The following BEST1 variants were observed in gnomAD, a reference collection of about 807,000 sequenced individuals.
The protein encoded by BEST1 is bestrophin 1, also known as bestrophin-1.
A neutral mutation model predicts 63.3 loss-of-function variants in BEST1; 58 were observed. That is an observed-to-expected ratio of 0.92 (90% CI 0.74 to 1.14). The LOEUF (loss-of-function observed/expected upper bound fraction) is 1.14. Among genes scored for constraint, BEST1 ranks in the 50% most tolerant of loss-of-function variants. The pLI is 0.00. For missense variants in BEST1, 671 were observed against 740.1 expected (o/e 0.91, Z 1.08); for synonymous variants, 283 against 291.6 (o/e 0.97, Z 0.30).
intron 6 of BEST1, among the ~76,000 whole-genome samples, 182 bp downstream of exon 6, chr11:61,957,646 G>A (rs1482555181): frequency 2.6e-5 from 4 of 152,154 alleles, no homozygotes; most frequent in Admixed American, 6.5e-5. Flanking sequence ...CTCCTGCCTG[G>A]CCCAGTCCAG....
downstream of BEST1, chr11:61,965,346 C>T (rs749631169): frequency 6.8e-6 from 11 of 1,612,568 alleles, no homozygotes; most frequent in Middle Eastern, 2.0e-4. Flanking sequence ...TGAAGTATGA[C>T]ACCCCTAGGA....
At chr11:61,962,134 G>A (rs1942127557) in intron 9 of BEST1, 121 bp from the exon 10 acceptor site, 1 of 1,015,768 alleles carries the variant, frequency 9.8e-7, no homozygotes, top group Non-Finnish European at 1.5e-6. Context: ...GCATGGTGAG[G>A]AAGACGGTGT....
rs1384192451 is a variant in BEST1, at chr11:61,955,828, C to A, written c.358C>A (p.Gln120Lys). ...VSGFVEGKDE[Q>K]GRLLRRTLIR... ...GGGCTTCGTCGAAGGCAAGGACGAG[C>A]AAGGCCGGCTGCTGCGGCGCACGCT... Residue 120 changes from glutamine (Q) to lysine (K), a missense_variant, in exon 4 of 11, where the codon CAA (glutamine) becomes AAA (lysine). Gln to Lys is a moderately conservative substitution (Grantham distance 53). Coordinates refer to ENST00000378043, the MANE Select transcript of BEST1 (RefSeq NM_004183.4). 3 of 1,550,582 alleles carry A rather than the reference C, an allele frequency of 1.9e-6. No individual in the cohort carries two copies. Among genetic ancestry groups the A allele is most frequent in the Non-Finnish European group, 2.6e-6 (3 of 1,146,922 alleles).
At position 61,962,689 on chromosome 11, in the gene BEST1, G is replaced by C. The variant is rs775584943; in HGVS notation, c.1535G>C (p.Ser512Thr). The change falls in exon 10 of 11, where the codon AGT becomes ACT. Residue 512 changes from serine to threonine, a missense_variant. By Grantham distance (58) the Ser-to-Thr change is moderately conservative. Coordinates refer to ENST00000378043, the MANE Select transcript of BEST1 (RefSeq NM_004183.4). ...ACTGTGAGTTCTGGGGCCAAGAAAA[G>C]TTTTGAATTGCTCTCAGAGAGCGAT... ...LKTVSSGAKK[S>T]FELLSESDGA... is the part of the protein sequence containing the mutation. 1 of 1,614,230 alleles carries C rather than the reference G, an allele frequency of 6.2e-7. No homozygotes were observed. Among genetic ancestry groups the C allele is most frequent in the Non-Finnish European group, 8.5e-7 (1 of 1,180,046 alleles).
Position 61,958,127 on chromosome 11 carries a change from A to ATCCTCCTCT in BEST1, c.715-11_715-10insTTCCTCCTC. On this transcript the variant is annotated intron_variant, in intron 6 of 10. Coordinates refer to ENST00000378043, the MANE Select transcript of BEST1 (RefSeq NM_004183.4). Reference sequence around the variant, plus strand: ...TTCCCACCTAGCCCTTTGCTACCACATCCTCCTCCTCCTCCCAGGTGGTGA... The same window carrying ATCCTCCTCT: ...TTCCCACCTAGCCCTTTGCTACCACATCCTCCTCTTCCTCCTCCTCCTCCCAGGTGGTGA... 2 of 1,544,422 alleles carry ATCCTCCTCT rather than the reference A, an allele frequency of 1.3e-6. No homozygotes were observed. Among genetic ancestry groups the ATCCTCCTCT allele is most frequent in the Non-Finnish European group, 8.9e-7 (1 of 1,127,748 alleles).
chr11:61,952,681 T>C (rs2134414509), intron 2 of BEST1, among the ~76,000 whole-genome samples: 1 of 151,854 alleles, frequency 6.6e-6, no homozygotes, highest in African/African-American at 2.4e-5. Flanking sequence ...TTCATCATGT[T>C]GGCCAGGCTG....
In BEST1 at chr11:61,962,814, G is replaced by C; in HGVS notation, c.1660G>C (p.Glu554Gln). The C allele has an allele frequency of 6.2e-7, 1 of 1,614,200 alleles. No homozygotes were observed. Among genetic ancestry groups the C allele is most frequent in the Non-Finnish European group, 8.5e-7 (1 of 1,180,042 alleles). Residue 554 changes from glutamate (E) to glutamine (Q), a missense_variant, in exon 10 of 11, where the codon GAA becomes CAA. Transcript: ENST00000378043. ...AGAGATCCCCGAAAATCACCTCAAA[G>C]AACCTTTGGAACAATCACCAACCAA... ...MPEIPENHLKEPLEQSPTNIH... is the reference protein window; with the variant it reads ...MPEIPENHLKQPLEQSPTNIH...
chr11:61,965,016 T>C, downstream of BEST1: 1 of 1,614,004 alleles, frequency 6.2e-7, no homozygotes, highest in Admixed American at 1.7e-5. Context: ...GTGGCCAGTT[T>C]GTGCAGTTCC....
At chr11:61,957,906 G>A (rs1941558933) in intron 6 of BEST1, among the ~76,000 whole-genome samples, 1 of 152,038 alleles carries the variant, frequency 6.6e-6, no homozygotes, top group Admixed American at 6.6e-5. Flanking sequence ...CCCGGGAGGT[G>A]GAGGTTGCAG....
In BEST1 at chr11:61,964,084, AAT is replaced by A. The variant is rs779305383; in HGVS notation, c.1740-18_1740-17del. On this transcript the variant is annotated intron_variant, in intron 10 of 10. Transcript: ENST00000378043. ...AGGGACCTTCCATACTTATGCTGTT[AAT>A]ACTTTCATTCTCACTAGGGATGAAG... The A allele has an allele frequency of 1.9e-5, 30 of 1,613,694 alleles. No homozygotes were observed. The highest frequency in any genetic ancestry group is 2.0e-5 in the Non-Finnish European group (24 of 1,179,960).
intron 10 of BEST1, chr11:61,963,366 C>T (rs1942278283): frequency 7.8e-7 from 1 of 1,274,814 alleles, no homozygotes; most frequent in Non-Finnish European, 9.9e-7. Context: ...GGAACTGCCT[C>T]ACTCCTAGGA....
chr11:61,957,307 T>G (rs1292481432), intron 5 of BEST1, 80 bp from the exon 6 acceptor site: 32 of 1,310,504 alleles, frequency 2.4e-5, no homozygotes, highest in Non-Finnish European at 3.5e-5. Flanking sequence ...CAGGCCCTGG[T>G]ACCTGGAGAA....
At position 61,962,478 on chromosome 11, in the gene BEST1, A is replaced by G. The variant is rs776861841; in HGVS notation, c.1324A>G (p.Asn442Asp). The G allele has an allele frequency of 1.2e-6, 2 of 1,614,120 alleles. No homozygotes were observed. The highest frequency in any genetic ancestry group is 1.7e-6 in the Non-Finnish European group (2 of 1,179,944). The change falls in exon 10 of 11, where the codon AAC becomes GAC. Residue 442 changes from asparagine (N) to aspartate (D), a missense_variant. Asn to Asp is a conservative substitution (Grantham distance 23). Coordinates refer to ENST00000378043, the MANE Select transcript of BEST1 (RefSeq NM_004183.4). ...AKQNVRGQED[N>D]KAWKLKAVDA... is the part of the protein sequence containing the mutation. ...ACAGAACGTTAGGGGCCAGGAAGAC[A>G]ACAAGGCCTGGAAGCTTAAGGCTGT...
Position 61,958,145 on chromosome 11 carries a change from G to A in BEST1, c.715-1G>A. 1.9e-6 allele frequency: 1 copy of A among 537,522 alleles called. No homozygotes were observed. The highest frequency in any genetic ancestry group is 2.9e-6 in the Non-Finnish European group (1 of 350,820). The allele number at this position is 537,522 out of a possible 1,614,324, so 33.3% of individuals were successfully genotyped here. A position where few individuals can be genotyped will look rare whatever the true frequency, so the allele number is the denominator to read the frequency against. ...CTACCACATCCTCCTCCTCCTCCCA[G>A]GTGGTGACTGTGGCGGTGTACAGCT... On this transcript the variant is annotated splice_acceptor_variant, in intron 6 of 10. Coordinates refer to ENST00000378043, the MANE Select transcript of BEST1 (RefSeq NM_004183.4). LOFTEE classifies it high-confidence loss of function.
downstream of BEST1, chr11:61,965,419 T>A (rs1565049676): frequency 1.6e-5 from 26 of 1,613,582 alleles, no homozygotes; most frequent in Non-Finnish European, 2.2e-5. Context: ...TGCAGCTTCA[T>A]CAGTTTCTCA....
rs281865275 is a variant in BEST1 at position 61,957,397 on chromosome 11, C to T, written c.647C>T (p.Thr216Ile). 35 of 1,613,474 alleles carry T rather than the reference C, an allele frequency of 2.2e-5. No individual in the cohort carries two copies. The highest frequency in any genetic ancestry group is 2.5e-5 in the Non-Finnish European group (29 of 1,179,590). ...LLQSLLNEMN[T>I]LRTQCGHLYA... is the part of the protein sequence containing the mutation. The stretch of plus-strand genomic sequence containing the variant: ...TCTTCTGCCCCCCAGGAGATGAACA[C>T]CTTGCGTACTCAGTGTGGACACCTG... Residue 216 changes from threonine (T) to isoleucine (I), a missense_variant, in exon 6 of 11, where the codon ACC becomes ATC. Coordinates refer to ENST00000378043, the MANE Select transcript of BEST1 (RefSeq NM_004183.4).
chr11:61,957,564 C>A, intron 6 of BEST1, 100 bp downstream of exon 6: 1 of 1,166,556 alleles, frequency 8.6e-7, no homozygotes, highest in Non-Finnish European at 1.3e-6. Context: ...GGCTAAGTGG[C>A]TCCCCTGGGA....
chr11:61,965,339 A>AGTATGAC (rs60517521), downstream of BEST1: 91,456 of 1,611,854 alleles, frequency 0.057, 7,878 homozygotes, highest in South Asian at 0.33. Context: ...CAGATGATGA[A>AGTATGAC]GTATGACACC....
chr11:61,963,235 A>G, intron 10 of BEST1: 2 of 1,388,352 alleles, frequency 1.4e-6, no homozygotes, highest in South Asian at 1.9e-5. Context: ...ACTGGCCCCA[A>G]CTTACTTTGA....
Sources: allele counts gnomAD v4.1 joint callset (sites outside exome capture counted in the v4.1 genomes callset), GRCh38; gene constraint gnomAD v4.1.1; transcripts MANE v1.5; gene names NCBI Gene and HGNC (gene_info 2026-07-23, HGNC 2026-07-21).